The following GRID2 variants were observed in gnomAD, a reference collection of about 807,000 sequenced individuals.
GRID2 encodes glutamate receptor ionotropic, delta-2.
GRID2 carries 33 observed loss-of-function variants against 114.8 expected under a neutral mutation model. The observed-to-expected ratio is 0.29, with a 90% CI of 0.22 to 0.38. GRID2 has a LOEUF of 0.38. Among genes scored for constraint, GRID2 ranks in the 10% least tolerant of loss-of-function variants. The pLI is 1.00. For synonymous variants in GRID2, 505 were observed against 449.9 expected (o/e 1.12, Z -1.55); for missense variants, 1,184 against 1,257.7 (o/e 0.94, Z 0.89).
intron 2 of GRID2, among the ~76,000 whole-genome samples, chr4:92,667,196 A>G (rs1732833320): frequency 6.6e-6 from 1 of 151,638 alleles, no homozygotes; most frequent in Admixed American, 6.6e-5. Flanking sequence ...TACATGGGAA[A>G]GATTTTTGCT....
At position 92,633,502 on chromosome 4, in the gene GRID2, G is replaced by A. The variant is rs992775321; in HGVS notation, c.244+43216G>A. Among the ~76,000 whole-genome samples, 4 of 152,002 alleles carry A rather than the reference G, an allele frequency of 2.6e-5. No individual in the cohort carries two copies. The East Asian group carries it at 7.7e-4, about 29-fold the overall frequency. ...AATTTTTCATTCAACTACATATAAC[G>A]AATTCCTAGATCCTAACTACCTGGT... On this transcript the variant is annotated intron_variant, in intron 2 of 15. Transcript: ENST00000282020.
At chr4:93,704,383 A>G (rs1014299740) in intron 14 of GRID2, among the ~76,000 whole-genome samples, 10 of 151,952 alleles carry the variant, frequency 6.6e-5, no homozygotes, top group Non-Finnish European at 4.4e-5. Context: ...TTCATTGTAG[A>G]GTCTTGATAT....
chr4:93,533,256 TCC>T (rs1731648322), intron 13 of GRID2, among the ~76,000 whole-genome samples: 1 of 20,276 alleles, frequency 4.9e-5, no homozygotes, highest in Non-Finnish European at 1.3e-4. Context: ...CTTCCTTCCT[TCC>T]TTCCTTCCTT....
At chr4:92,906,202 T>G (rs1747940106) in intron 2 of GRID2, among the ~76,000 whole-genome samples, 1 of 151,010 alleles carries the variant, frequency 6.6e-6, no homozygotes, top group Non-Finnish European at 1.5e-5. Context: ...TTTGAAAATT[T>G]GATTATTTGA....
At chr4:93,346,419 C>T (rs1286168338) in intron 8 of GRID2, among the ~76,000 whole-genome samples, 1 of 152,172 alleles carries the variant, frequency 6.6e-6, no homozygotes, top group East Asian at 1.9e-4. Context: ...TCCAAAACAG[C>T]ATTTCCTCCT....
intron 8 of GRID2, among the ~76,000 whole-genome samples, chr4:93,256,216 C>CT (rs1561051055): frequency 6.6e-6 from 1 of 151,538 alleles, no homozygotes; most frequent in Non-Finnish European, 1.5e-5. Context: ...CTTTCCTTTT[C>CT]TTTTTTTGAA....
At chr4:92,976,105 T>C (rs941136533) in intron 2 of GRID2, among the ~76,000 whole-genome samples, 17 of 152,124 alleles carry the variant, frequency 1.1e-4, no homozygotes, top group African/African-American at 4.1e-4. Flanking sequence ...GTTTTTATTC[T>C]TCTACTCAAT....
At chr4:92,549,935 G>T (rs1399281532) in intron 1 of GRID2, among the ~76,000 whole-genome samples, 1 of 151,516 alleles carries the variant, frequency 6.6e-6, no homozygotes, top group Non-Finnish European at 1.5e-5. Context: ...TTTTTGGTAG[G>T]GTAAAACTCA....
At chr4:93,605,258 A>G (rs574179329) in intron 13 of GRID2, among the ~76,000 whole-genome samples, 71 of 152,314 alleles carry the variant, frequency 4.7e-4, no homozygotes, top group African/African-American at 1.6e-3. Context: ...CAATTCCTCA[A>G]TCATATTAGC....
rs536875430 is a variant in GRID2 at position 93,263,431 on chromosome 4, T to G, written c.1245+24941T>G. On this transcript the variant is annotated intron_variant, in intron 8 of 15. Coordinates refer to ENST00000282020, the MANE Select transcript of GRID2 (RefSeq NM_001510.4). ...TTATCTTTTCAATCCATCTGAGATT[T>G]TTTTTTGTATGGCATTCTATAAAGA... is the stretch of plus-strand genomic sequence containing the variant. 1.2e-3 allele frequency among the ~76,000 whole-genome samples: 178 copies of G among 152,172 alleles called. 3 individuals carry two copies. Among genetic ancestry groups the G allele is most frequent in the African/African-American group, 4.3e-3 (177 of 41,578 alleles).
At chr4:93,421,612 ATTG>A (rs1321312473) in intron 9 of GRID2, among the ~76,000 whole-genome samples, 1 of 152,154 alleles carries the variant, frequency 6.6e-6, no homozygotes, top group African/African-American at 2.4e-5. Context: ...AATTGGTTAC[ATTG>A]TTTTTTATCA....
At chr4:93,575,940 A>T (rs1265193755) in intron 13 of GRID2, among the ~76,000 whole-genome samples, 1 of 152,166 alleles carries the variant, frequency 6.6e-6, no homozygotes, top group Non-Finnish European at 1.5e-5. Flanking sequence ...AAAGGAGGAA[A>T]CTATTCTGGT....
intron 1 of GRID2, among the ~76,000 whole-genome samples, chr4:92,580,943 T>C (rs963645272): frequency 6.6e-6 from 1 of 151,692 alleles, no homozygotes; most frequent in Non-Finnish European, 1.5e-5. Context: ...TTTGAATTGG[T>C]GTGCAGTGTT....
At position 92,477,039 on chromosome 4, in the gene GRID2, A is replaced by ATG. The variant is rs70940894; in HGVS notation, c.89-113034_89-113033dup. Among the ~76,000 whole-genome samples, 455 of 119,542 alleles carry ATG rather than the reference A, an allele frequency of 3.8e-3. 6 individuals are homozygous for ATG. Among genetic ancestry groups the ATG allele is most frequent in the East Asian group, 0.015 (53 of 3,622 alleles). The allele number at this position is 119,542 out of a possible 152,430, so 78.4% of individuals were successfully genotyped here. On this transcript the variant is annotated intron_variant, in intron 1 of 15. Transcript: ENST00000282020. The stretch of plus-strand genomic sequence containing the variant: ...TGGCTAAACTATTTGATTTAACTTC[A>ATG]TGTGTGTGTGTGTGTGTGTGTGTGT...
chr4:93,263,742 AG>A (rs1044115373), intron 8 of GRID2, among the ~76,000 whole-genome samples: 7 of 152,044 alleles, frequency 4.6e-5, no homozygotes, highest in African/African-American at 1.4e-4. Context: ...TAGGGGTTAG[AG>A]TGGGTAATTT....
exon 2 of GRID2, chr4:93,807,068 G>A (rs187424698): frequency 1.3e-5 from 2 of 152,388 alleles, no homozygotes; most frequent in Admixed American, 6.5e-5. Flanking sequence ...GAAGAGTAAC[G>A]ACAGGACTGC....
intron 8 of GRID2, among the ~76,000 whole-genome samples, chr4:93,304,792 A>T (rs1025384140): frequency 2.6e-5 from 4 of 152,168 alleles, no homozygotes; most frequent in Admixed American, 2.6e-4. Flanking sequence ...TGCAACAAAT[A>T]AAAAGCTACA....
At chr4:93,086,971 CTTT>C (rs1730377133) in intron 3 of GRID2, among the ~76,000 whole-genome samples, 1 of 151,882 alleles carries the variant, frequency 6.6e-6, no homozygotes, top group African/African-American at 2.4e-5. Flanking sequence ...AAAACAGTAA[CTTT>C]ATTTAAGCGG....
chr4:93,052,214 A>G (rs1406206181), intron 2 of GRID2, among the ~76,000 whole-genome samples: 2 of 152,086 alleles, frequency 1.3e-5, no homozygotes, highest in South Asian at 2.1e-4. Context: ...TGATGATGGA[A>G]CTTATATCAG....
Sources: allele counts gnomAD v4.1 joint callset (sites outside exome capture counted in the v4.1 genomes callset), GRCh38; gene constraint gnomAD v4.1.1; transcripts MANE v1.5; gene names NCBI Gene and HGNC (gene_info 2026-07-23, HGNC 2026-07-21).